HSPBAP1: variants seen among roughly 807,000 people sequenced by gnomAD.
The protein encoded by HSPBAP1 is HSPB1 associated protein 1.
Under a neutral mutation model 45.2 loss-of-function variants are expected in HSPBAP1, and 27 were observed. The observed-to-expected ratio is 0.60, with a 90% confidence interval of 0.44 to 0.82. The LOEUF is 0.82. Among genes scored for constraint, HSPBAP1 ranks in the 40% least tolerant of loss-of-function variants. HSPBAP1 has a pLI of 0.00. For missense variants in HSPBAP1, 510 were observed against 590.9 expected (o/e 0.86, Z 1.42); for synonymous variants, 204 against 202.7 (o/e 1.01, Z -0.06).
chr3:122,788,220 T>C (rs1019056761), intron 1 of HSPBAP1, among the ~76,000 whole-genome samples: 2 of 152,188 alleles, frequency 1.3e-5, no homozygotes, highest in Admixed American at 6.5e-5. Flanking sequence ...AACTTATCTT[T>C]ACCTCAAAAA....
At chr3:122,785,085 T>TTCTCTA in intron 1 of HSPBAP1, among the ~76,000 whole-genome samples, 1 of 152,170 alleles carries the variant, frequency 6.6e-6, no homozygotes, top group African/African-American at 2.4e-5. Context: ...TCTAGAGAAT[T>TTCTCTA]GACTGTGTGA....
intron 1 of HSPBAP1, among the ~76,000 whole-genome samples, chr3:122,778,529 T>A (rs1201961890): frequency 4.3e-4 from 64 of 150,356 alleles, no homozygotes; most frequent in East Asian, 9.7e-4. Flanking sequence ...TTTTATTTTT[T>A]TTTTTTTTTT....
At chr3:122,770,282 CT>C (rs1313407581) in intron 2 of HSPBAP1, among the ~76,000 whole-genome samples, 1 of 152,196 alleles carries the variant, frequency 6.6e-6, no homozygotes, top group East Asian at 1.9e-4. Flanking sequence ...AAGAACTTAA[CT>C]AGGGCACATT....
intron 6 of HSPBAP1, among the ~76,000 whole-genome samples, chr3:122,749,867 C>T (rs1361701629): frequency 6.6e-6 from 1 of 151,992 alleles, no homozygotes; most frequent in Non-Finnish European, 1.5e-5. Context: ...GCCTCGGCCT[C>T]CCAAAGTGCC....
At chr3:122,773,574 C>T (rs762934654) in intron 2 of HSPBAP1, among the ~76,000 whole-genome samples, 26 of 151,864 alleles carry the variant, frequency 1.7e-4, no homozygotes, top group Admixed American at 3.9e-4. Context: ...CCTTGGCCCC[C>T]CAAAGTGCTA....
intron 1 of HSPBAP1, among the ~76,000 whole-genome samples, chr3:122,782,081 T>C (rs74479422): frequency 2.0e-5 from 3 of 152,198 alleles, no homozygotes; most frequent in African/African-American, 7.2e-5. Flanking sequence ...CTTCAAATTT[T>C]AAAAGATGTG....
intron 3 of HSPBAP1, among the ~76,000 whole-genome samples, chr3:122,766,640 C>T (rs1011837102): frequency 2.0e-5 from 3 of 152,112 alleles, no homozygotes; most frequent in Non-Finnish European, 4.4e-5. Flanking sequence ...AACACTCATC[C>T]AAGGCAGAGT....
intron 2 of HSPBAP1, among the ~76,000 whole-genome samples, chr3:122,773,506 G>A (rs950777953): frequency 5.9e-5 from 9 of 151,916 alleles, no homozygotes; most frequent in East Asian, 3.9e-4. Context: ...TAGCAGAGAC[G>A]GGGTTTTGCC....
intron 3 of HSPBAP1, chr3:122,761,808 A>AG (rs1363528977): frequency 1.3e-5 from 2 of 152,140 alleles, no homozygotes; most frequent in African/African-American, 4.8e-5. Flanking sequence ...AAAAAAAAAA[A>AG]AAAAGCAAAA....
intron 3 of HSPBAP1, among the ~76,000 whole-genome samples, chr3:122,762,206 G>C (rs959908252): frequency 1.3e-5 from 2 of 151,888 alleles, no homozygotes; most frequent in Non-Finnish European, 2.9e-5. Flanking sequence ...TAACTAAAGA[G>C]AACAAGTTTA....
intron 1 of HSPBAP1, among the ~76,000 whole-genome samples, chr3:122,790,115 G>A (rs1298786662): frequency 6.6e-6 from 1 of 152,044 alleles, no homozygotes; most frequent in South Asian, 2.1e-4. Flanking sequence ...TGCCTGCCTC[G>A]CCTCCCAAAG....
chr3:122,775,320 A>G (rs867991805), intron 2 of HSPBAP1, among the ~76,000 whole-genome samples: 3 of 152,238 alleles, frequency 2.0e-5, no homozygotes, highest in Admixed American at 6.5e-5. Context: ...AACAATTAGA[A>G]AATGGGCAAA....
intron 6 of HSPBAP1, among the ~76,000 whole-genome samples, chr3:122,752,291 C>T (rs1027046702): frequency 2.0e-5 from 3 of 152,080 alleles, no homozygotes; most frequent in Non-Finnish European, 4.4e-5. Flanking sequence ...CAAATCTGGC[C>T]AGGCCCAATA....
At chr3:122,760,363 A>C (rs1009948905) in intron 3 of HSPBAP1, among the ~76,000 whole-genome samples, 2 of 142,742 alleles carry the variant, frequency 1.4e-5, no homozygotes, top group African/African-American at 5.3e-5. Flanking sequence ...AAATAAAAGC[A>C]AAAAAAAAAA....
chr3:122,753,360 G>C, intron 5 of HSPBAP1: 1 of 833,794 alleles, frequency 1.2e-6, no homozygotes, highest in Non-Finnish European at 1.4e-6. Flanking sequence ...AGATAAGGTA[G>C]GGGAATTAGT....
intron 1 of HSPBAP1, among the ~76,000 whole-genome samples, chr3:122,785,840 TATAGATAG>T (rs60587307): frequency 6.6e-5 from 10 of 151,654 alleles, no homozygotes; most frequent in East Asian, 1.9e-4. Flanking sequence ...AGTAGCCAAA[TATAGATAG>T]ATAGATAGAT....
intron 3 of HSPBAP1, 53 bp from the exon 4 acceptor site, chr3:122,759,413 G>A (rs1934490013): frequency 6.4e-7 from 1 of 1,554,908 alleles, no homozygotes; most frequent in Non-Finnish European, 8.8e-7. Flanking sequence ...TTCTCTGTAT[G>A]GTAATGCTGC....
intron 6 of HSPBAP1, among the ~76,000 whole-genome samples, chr3:122,747,747 C>T (rs574322866): frequency 2.2e-5 from 2 of 91,172 alleles, no homozygotes; most frequent in African/African-American, 8.6e-5. Flanking sequence ...CGCCCCGTCC[C>T]GGAGGGAGGT....
chr3:122,792,176 C>G (rs1935851991), intron 1 of HSPBAP1, among the ~76,000 whole-genome samples: 1 of 152,290 alleles, frequency 6.6e-6, no homozygotes, highest in Admixed American at 6.5e-5. Context: ...AGAGGGATCT[C>G]AAGCCCATAC....
Sources: allele counts gnomAD v4.1 joint callset (sites outside exome capture counted in the v4.1 genomes callset), GRCh38; gene constraint gnomAD v4.1.1; transcripts MANE v1.5; gene names NCBI Gene and HGNC (gene_info 2026-07-23, HGNC 2026-07-21).